Variants in CDH13 observed in about 807,000 individuals in gnomAD.
CDH13 encodes cadherin 13, also known as cadherin-13.
CDH13 carries 24 observed loss-of-function variants against 63.8 expected under a neutral mutation model. The ratio of observed to expected loss-of-function variants is 0.38; its 90% CI spans 0.27 to 0.53. The LOEUF is 0.53. CDH13 is among the 20% of genes least tolerant of loss of function. CDH13 has a pLI of 0.85. For synonymous variants in CDH13, 503 were observed against 355.3 expected (o/e 1.42, Z -4.67); for missense variants, 1,049 against 903.1 (o/e 1.16, Z -2.07).
intron 1 of CDH13, among the ~76,000 whole-genome samples, chr16:82,769,945 G>A (rs1446638775): frequency 6.6e-6 from 1 of 152,236 alleles, no homozygotes; most frequent in Non-Finnish European, 1.5e-5. Flanking sequence ...ATACGGCACA[G>A]ACAAAGATAA....
intron 1 of CDH13, among the ~76,000 whole-genome samples, chr16:82,836,690 C>G (rs1006140605): frequency 1.3e-5 from 2 of 152,154 alleles, no homozygotes; most frequent in Non-Finnish European, 2.9e-5. Context: ...CGATGATGAG[C>G]CTGCTGATGC....
At chr16:83,156,627 C>G (rs1020839221) in intron 4 of CDH13, among the ~76,000 whole-genome samples, 1 of 152,100 alleles carries the variant, frequency 6.6e-6, no homozygotes, top group African/African-American at 2.4e-5. Flanking sequence ...GCTAACAAGC[C>G]CCTAATAGGA....
Position 83,479,243 on chromosome 16 carries a change from C to G in CDH13, c.782-7234C>G, listed in dbSNP as rs543077614. Among the ~76,000 whole-genome samples the G allele has an allele frequency of 2.0e-5, 3 of 152,294 alleles. No individual in the cohort carries two copies. In the South Asian group the frequency reaches 6.2e-4, roughly 32 times the overall value. The stretch of plus-strand genomic sequence containing the variant: ...GTTTCTGTAGATCCTGAGAGTGAGT[C>G]CTAGAAGCAGTGTGTCTTAAACCCT... On this transcript the variant is annotated intron_variant, in intron 6 of 13. Transcript: ENST00000567109.
At chr16:83,052,640 C>T (rs541519020) in intron 3 of CDH13, among the ~76,000 whole-genome samples, 1 of 151,968 alleles carries the variant, frequency 6.6e-6, no homozygotes, top group Non-Finnish European at 1.5e-5. Flanking sequence ...ATTAGCCAGG[C>T]ATGGTGGTGC....
At position 83,310,542 on chromosome 16, in the gene CDH13, A is replaced by G. The variant is rs1460169574; in HGVS notation, c.637-34320A>G. ...CAGGTCCACACTCCTTAGCTAAACCATCACCTCCTCTTCCACCAAGGCTAT... is the reference window on the plus strand; with the variant it reads ...CAGGTCCACACTCCTTAGCTAAACCGTCACCTCCTCTTCCACCAAGGCTAT... On this transcript the variant is annotated intron_variant, in intron 5 of 13. Coordinates refer to ENST00000567109, the MANE Select transcript of CDH13 (RefSeq NM_001257.5). Among the ~76,000 whole-genome samples the G allele has an allele frequency of 2.0e-5, 3 of 152,164 alleles. No individual in the cohort carries two copies. In the East Asian group the frequency reaches 5.8e-4, roughly 29 times the overall value.
chr16:82,878,212 G>C (rs1270533263), intron 2 of CDH13, among the ~76,000 whole-genome samples: 3 of 151,844 alleles, frequency 2.0e-5, no homozygotes, highest in African/African-American at 7.3e-5. Flanking sequence ...AGGGTGGGTG[G>C]CAATGCTCCT....
chr16:82,746,862 T>C (rs1011529532), intron 1 of CDH13, among the ~76,000 whole-genome samples: 7 of 152,198 alleles, frequency 4.6e-5, no homozygotes, highest in East Asian at 3.9e-4. Context: ...CGATCACTTA[T>C]AATGTAACTC....
chr16:83,079,269 A>G (rs1297315075), intron 3 of CDH13, among the ~76,000 whole-genome samples: 1 of 152,228 alleles, frequency 6.6e-6, no homozygotes, highest in Non-Finnish European at 1.5e-5. Context: ...AGAATATTCC[A>G]TTGTATGAAC....
At chr16:83,401,954 T>C (rs2091974621) in intron 6 of CDH13, among the ~76,000 whole-genome samples, 2 of 152,200 alleles carry the variant, frequency 1.3e-5, no homozygotes, top group South Asian at 4.1e-4. Context: ...CTTGAGGTCT[T>C]GAGAAGTCCT....
rs143878103 is a variant in CDH13, at chr16:82,930,487, A to C, written c.157+72014A>C. 5.5e-4 allele frequency among the ~76,000 whole-genome samples: 84 copies of C among 152,172 alleles called. 1 individual carries two copies. The highest frequency in any genetic ancestry group is 2.0e-3 in the African/African-American group (81 of 41,522). ...TTTAACTTTTTCTTGAAGTAACTTT[A>C]TGGTTTGTATACGGATGCCAAATAT... On this transcript the variant is annotated intron_variant, in intron 2 of 13. Transcript: ENST00000567109.
chr16:83,378,281 C>G (rs191739565), intron 6 of CDH13, among the ~76,000 whole-genome samples: 1 of 152,266 alleles, frequency 6.6e-6, no homozygotes, highest in Non-Finnish European at 1.5e-5. Context: ...AACACACAGA[C>G]TAGGAGTGGG....
chr16:82,662,860 G>A (rs975661153), intron 1 of CDH13, among the ~76,000 whole-genome samples: 1 of 150,346 alleles, frequency 6.7e-6, no homozygotes, highest in Non-Finnish European at 1.5e-5. Context: ...GGTGGTAGAG[G>A]TGTGTGCTTG....
chr16:83,209,711 G>C (rs1258755615), intron 4 of CDH13, among the ~76,000 whole-genome samples: 4 of 152,168 alleles, frequency 2.6e-5, no homozygotes, highest in African/African-American at 9.6e-5. Context: ...CTGAGGGACA[G>C]TTACCACCAC....
intron 1 of CDH13, among the ~76,000 whole-genome samples, chr16:82,801,564 A>C (rs2036856432): frequency 6.6e-6 from 1 of 152,202 alleles, no homozygotes; most frequent in Non-Finnish European, 1.5e-5. Flanking sequence ...CAAGAACAGC[A>C]AGGTTACTAC....
intron 1 of CDH13, among the ~76,000 whole-genome samples, chr16:82,791,194 G>T (rs895711048): frequency 7.0e-6 from 1 of 141,938 alleles, no homozygotes; most frequent in Admixed American, 7.5e-5. Flanking sequence ...CAGAGATCAC[G>T]CCACTGCACT....
chr16:82,710,555 ATAT>A (rs1567649969), intron 1 of CDH13, among the ~76,000 whole-genome samples: 126 of 77,982 alleles, frequency 1.6e-3, no homozygotes, highest in African/African-American at 4.7e-3. Context: ...AAAAAAAAAT[ATAT>A]ATATATATAT....
intron 3 of CDH13, among the ~76,000 whole-genome samples, chr16:83,109,114 G>A (rs1567837989): frequency 6.6e-6 from 1 of 152,192 alleles, no homozygotes; most frequent in African/African-American, 2.4e-5. Context: ...CTACTATCCA[G>A]TGGGCTCATG....
intron 4 of CDH13, among the ~76,000 whole-genome samples, chr16:83,216,694 T>C (rs1351701357): frequency 6.8e-6 from 1 of 146,880 alleles, no homozygotes; most frequent in African/African-American, 2.5e-5. Flanking sequence ...TAAATTGAGG[T>C]ATCTATATAT....
chr16:82,662,907 T>C lies in CDH13; in HGVS notation c.45+35770T>C, dbSNP rs1377655843. On this transcript the variant is annotated intron_variant, in intron 1 of 13. Transcript: ENST00000567109. ...CTGTGTGTCTGGTACCCTTACCCAC[T>C]GAAACAGCAAAGGACATGCCTTCTC... Among the ~76,000 whole-genome samples the C allele has an allele frequency of 2.0e-5, 3 of 152,266 alleles. No individual in the cohort carries two copies. In the East Asian group the frequency reaches 5.8e-4, roughly 29 times the overall value.
Sources: allele counts gnomAD v4.1 joint callset (sites outside exome capture counted in the v4.1 genomes callset), GRCh38; gene constraint gnomAD v4.1.1; transcripts MANE v1.5; gene names NCBI Gene and HGNC (gene_info 2026-07-23, HGNC 2026-07-21).